Variants in CMIP observed in about 807,000 individuals in gnomAD.
The protein encoded by CMIP is c-Maf inducing protein, also known as C-Maf-inducing protein.
Under a neutral mutation model 97.3 loss-of-function variants are expected in CMIP, and 13 were observed. That is an observed-to-expected ratio of 0.13 (90% CI 0.09 to 0.21). CMIP has a LOEUF of 0.21. Ranked by LOEUF, CMIP falls within the 10% of genes least tolerant of loss-of-function variation. The pLI is 1.00. For synonymous variants in CMIP, 538 were observed against 436.3 expected (o/e 1.23, Z -2.91); for missense variants, 847 against 1,024.9 (o/e 0.83, Z 2.37).
At chr16:81,562,461 T>C (rs2090901796) in intron 1 of CMIP, among the ~76,000 whole-genome samples, 2 of 152,258 alleles carry the variant, frequency 1.3e-5, no homozygotes, top group Admixed American at 6.5e-5. Context: ...CATTTGGGGC[T>C]AACTTGCAGT....
intron 3 of CMIP, among the ~76,000 whole-genome samples, chr16:81,626,068 G>A (rs2092056774): frequency 6.6e-6 from 1 of 152,272 alleles, no homozygotes; most frequent in Non-Finnish European, 1.5e-5. Context: ...TGGCCACGCT[G>A]CCTTCTTCTT....
chr16:81,550,163 C>A (rs1276448940), intron 1 of CMIP, among the ~76,000 whole-genome samples: 1 of 152,254 alleles, frequency 6.6e-6, no homozygotes, highest in Non-Finnish European at 1.5e-5. Flanking sequence ...TCTTTCCTTA[C>A]TGTTCCACAG....
At chr16:81,553,964 A>G (rs2090712069) in intron 1 of CMIP, among the ~76,000 whole-genome samples, 1 of 152,222 alleles carries the variant, frequency 6.6e-6, no homozygotes, top group Non-Finnish European at 1.5e-5. Context: ...AAGCGTTTCC[A>G]GTGGGCTGTG....
intron 20 of CMIP, among the ~76,000 whole-genome samples, chr16:81,707,448 A>G (rs1908274122): frequency 6.6e-6 from 1 of 152,236 alleles, no homozygotes; most frequent in African/African-American, 2.4e-5. Context: ...GTAACCAGGA[A>G]CTGAGAGAGG....
intron 1 of CMIP, among the ~76,000 whole-genome samples, chr16:81,522,631 C>G (rs776831519): frequency 3.9e-5 from 6 of 152,138 alleles, no homozygotes; most frequent in Non-Finnish European, 7.3e-5. Context: ...GGTTGGTTAA[C>G]AAATAAACAA....
intron 6 of CMIP, among the ~76,000 whole-genome samples, chr16:81,662,496 A>G (rs1021226088): frequency 1.3e-5 from 2 of 152,122 alleles, no homozygotes; most frequent in African/African-American, 2.4e-5. Context: ...GGTCCCAGCC[A>G]TGTGGGATGC....
chr16:81,526,845 T>C (rs1265921661), intron 1 of CMIP, among the ~76,000 whole-genome samples: 1 of 152,162 alleles, frequency 6.6e-6, no homozygotes, highest in Non-Finnish European at 1.5e-5. Flanking sequence ...CCAACTTCCT[T>C]TGGAAGGGCC....
chr16:81,607,442 G>A (rs2091762328), intron 1 of CMIP, 125 bp from the exon 2 acceptor site: 4 of 1,242,274 alleles, frequency 3.2e-6, no homozygotes, highest in East Asian at 4.7e-5. Context: ...GAGGTGCTGA[G>A]CTCCTGCACC....
intron 20 of CMIP, 107 bp downstream of exon 20, chr16:81,707,191 C>T: frequency 4.6e-6 from 4 of 872,074 alleles, no homozygotes; most frequent in South Asian, 1.4e-5. Context: ...AGGATGATGA[C>T]ATCTACAGAT....
intron 6 of CMIP, among the ~76,000 whole-genome samples, chr16:81,662,823 A>G (rs1014068063): frequency 9.9e-5 from 15 of 152,204 alleles, no homozygotes; most frequent in African/African-American, 3.6e-4. Context: ...GGGTCTGCAG[A>G]CTGCCACCCG....
chr16:81,445,647 G>C (rs982370709), intron 1 of CMIP, 106 bp downstream of exon 1: 10 of 1,267,762 alleles, frequency 7.9e-6, no homozygotes, highest in Non-Finnish European at 8.5e-6. Context: ...CCTGGGGGGC[G>C]GTGGGGGGTG....
Position 81,711,363 on chromosome 16 carries a change from C to T in CMIP, c.*1564C>T, listed in dbSNP as rs1908756971. On this transcript the variant is annotated 3_prime_UTR_variant, in exon 21 of 21. Transcript: ENST00000537098. ...AGACTTTATTACCCCCCCACTATGC[C>T]CTCATTTTTTTAAAAAAGGAAAAAA... 6.6e-6 allele frequency: 1 copy of T among 151,934 alleles called. No individual in the cohort carries two copies. 9.4% of individuals were successfully genotyped at this position (151,934 alleles called of 1,614,324 possible).
intron 1 of CMIP, among the ~76,000 whole-genome samples, chr16:81,547,649 C>T (rs1435170449): frequency 6.6e-6 from 1 of 152,084 alleles, no homozygotes; most frequent in Admixed American, 6.5e-5. Flanking sequence ...GAAGGGATCT[C>T]CTCAGAAGCC....
At chr16:81,445,590 A>C (rs1905779498) in intron 1 of CMIP, 49 bp downstream of exon 1, 2 of 1,516,338 alleles carry the variant, frequency 1.3e-6, no homozygotes, top group Non-Finnish European at 1.8e-6. Context: ...GGGGCCCGAG[A>C]TGCGCCCTCC....
At chr16:81,702,480 G>A in intron 16 of CMIP, 142 bp from the exon 17 acceptor site, 1 of 793,250 alleles carries the variant, frequency 1.3e-6, no homozygotes, top group Non-Finnish European at 2.1e-6. Context: ...CTCCGGGTTT[G>A]CCCCTGAGAC....
chr16:81,500,239 T>TTTCC (rs1458286623), intron 1 of CMIP, among the ~76,000 whole-genome samples: 7 of 104,316 alleles, frequency 6.7e-5, no homozygotes, highest in Admixed American at 2.1e-4. Flanking sequence ...TTTATCAAAA[T>TTTCC]TTCCTTCCTT....
At chr16:81,688,681 T>A (rs751288509) in intron 10 of CMIP, among the ~76,000 whole-genome samples, 3 of 152,202 alleles carry the variant, frequency 2.0e-5, no homozygotes, top group Non-Finnish European at 4.4e-5. Context: ...TAATATACTT[T>A]AAGTTCTAGG....
At chr16:81,555,649 CCAAGTCTGTGAAGTCA>C in intron 1 of CMIP, among the ~76,000 whole-genome samples, 1 of 152,286 alleles carries the variant, frequency 6.6e-6, no homozygotes, top group Admixed American at 6.5e-5. Flanking sequence ...AGTGATGTGA[CCAAGTCTGTGAAGTCA>C]CCATCTTCAT....
At chr16:81,463,155 G>T (rs1271297565) in intron 1 of CMIP, among the ~76,000 whole-genome samples, 7 of 152,256 alleles carry the variant, frequency 4.6e-5, no homozygotes, top group African/African-American at 1.7e-4. Flanking sequence ...TTCAGCAATG[G>T]TAAGCAAGCA....
Sources: gnomAD v4.1 joint callset for allele counts (sites outside exome capture counted in the v4.1 genomes callset) on GRCh38, gnomAD v4.1.1 for gene constraint, MANE v1.5 for transcripts, NCBI Gene and HGNC (gene_info 2026-07-23, HGNC 2026-07-21) for gene names.